The following FBXO36 variants were observed in gnomAD, a reference collection of about 807,000 sequenced individuals.
The protein encoded by FBXO36 is F-box only protein 36.
In FBXO36, 18 loss-of-function variants were observed where a neutral mutation model predicts 17.0. That is an observed-to-expected ratio of 1.06 (90% CI 0.73 to 1.57). The LOEUF is 1.57. Among genes scored for constraint, FBXO36 ranks in the 40% most tolerant of loss-of-function variants. FBXO36 has a pLI of 0.00. For synonymous variants in FBXO36, 83 were observed against 85.3 expected (o/e 0.97, Z 0.15); for missense variants, 229 against 221.9 (o/e 1.03, Z -0.20).
intron 3 of FBXO36, among the ~76,000 whole-genome samples, chr2:229,998,890 C>A (rs188850635): frequency 2.0e-5 from 3 of 150,412 alleles, no homozygotes; most frequent in Admixed American, 6.6e-5. Context: ...ACAAGCTCTG[C>A]CTCCCAGGTT....
At chr2:229,961,409 C>T (rs2077120139) in intron 1 of FBXO36, among the ~76,000 whole-genome samples, 1 of 152,024 alleles carries the variant, frequency 6.6e-6, no homozygotes, top group Non-Finnish European at 1.5e-5. Flanking sequence ...CGGCATCTTG[C>T]TCTGTCACGA....
rs572520644 is a variant in FBXO36 at position 229,936,785 on chromosome 2, G to T, written c.96+14176G>T. Among the ~76,000 whole-genome samples the T allele has an allele frequency of 3.2e-4, 48 of 152,224 alleles. 1 individual carries two copies. Among genetic ancestry groups the T allele is most frequent in the African/African-American group, 1.0e-3 (42 of 41,526 alleles). ...ATCTGGAAGGCTGAGGCAAAAGGAC[G>T]ACTTCAGCCCAGAAGGATGAGGCTA... On this transcript the variant is annotated intron_variant, in intron 1 of 3. Transcript: ENST00000283946.
At chr2:229,943,955 T>G (rs919546065) in intron 1 of FBXO36, among the ~76,000 whole-genome samples, 2 of 152,036 alleles carry the variant, frequency 1.3e-5, no homozygotes, top group Non-Finnish European at 2.9e-5. Context: ...AGTGAGTGAG[T>G]TCTCATGAGA....
Position 229,933,858 on chromosome 2 carries a change from G to T in FBXO36, c.96+11249G>T, listed in dbSNP as rs376630727. On this transcript the variant is annotated intron_variant, in intron 1 of 3. Coordinates refer to ENST00000283946, the MANE Select transcript of FBXO36 (RefSeq NM_174899.5). ...GCACCACCATACCCAGCTAATTGTTGTATTTTTAGTAAAGATGGGATTTTG... is the reference window on the plus strand; with the variant it reads ...GCACCACCATACCCAGCTAATTGTTTTATTTTTAGTAAAGATGGGATTTTG... 1.8e-4 allele frequency among the ~76,000 whole-genome samples: 27 copies of T among 151,952 alleles called. No homozygotes were observed. The South Asian group carries it at 5.0e-3, about 28-fold the overall frequency.
At chr2:229,954,083 C>T (rs1168506036) in intron 1 of FBXO36, among the ~76,000 whole-genome samples, 1 of 151,868 alleles carries the variant, frequency 6.6e-6, no homozygotes, top group Non-Finnish European at 1.5e-5. Flanking sequence ...AGGCTGCTTT[C>T]GAACTCCTGG....
intron 1 of FBXO36, among the ~76,000 whole-genome samples, chr2:229,954,234 A>ATTTTTGTTTTTTTTTTTTT (rs2077072383): frequency 1.4e-5 from 1 of 71,378 alleles, no homozygotes; most frequent in Non-Finnish European, 2.6e-5. Flanking sequence ...AACCCTTTGG[A>ATTTTTGTTTTTTTTTTTTT]TTTTTTTTTT....
intron 3 of FBXO36, among the ~76,000 whole-genome samples, chr2:229,999,301 A>G (rs1343598494): frequency 6.7e-6 from 1 of 149,636 alleles, no homozygotes; most frequent in East Asian, 2.0e-4. Flanking sequence ...TAATTTTTAT[A>G]TTTTTAGTAC....
intron 3 of FBXO36, among the ~76,000 whole-genome samples, chr2:229,999,417 G>A (rs1273744022): frequency 5.0e-5 from 7 of 139,922 alleles, no homozygotes; most frequent in African/African-American, 1.6e-4. Flanking sequence ...GTGAGCCACC[G>A]CGCCCGGCCT....
intron 3 of FBXO36, among the ~76,000 whole-genome samples, chr2:230,002,770 G>A (rs1271595436): frequency 5.9e-5 from 9 of 152,136 alleles, no homozygotes; most frequent in African/African-American, 2.2e-4. Context: ...GGTTTACATA[G>A]CAGTTAATGC....
chr2:229,994,888 G>C (rs2077316970), intron 2 of FBXO36, among the ~76,000 whole-genome samples: 2 of 152,148 alleles, frequency 1.3e-5, no homozygotes, highest in African/African-American at 4.8e-5. Context: ...GGCTGAGGCG[G>C]GTGGATCACC....
At chr2:229,922,701 C>A in intron 1 of FBXO36, 92 bp downstream of exon 1, 2 of 1,335,620 alleles carry the variant, frequency 1.5e-6, no homozygotes, top group East Asian at 2.5e-5. Context: ...CAAGAGCAAC[C>A]GTAGCCCGCC....
At chr2:229,982,573 G>T (rs2077246050) in intron 2 of FBXO36, among the ~76,000 whole-genome samples, 1 of 151,952 alleles carries the variant, frequency 6.6e-6, no homozygotes, top group Non-Finnish European at 1.5e-5. Context: ...TTGGGAGGCT[G>T]AGGCGGGTGG....
At chr2:229,997,584 A>C (rs536875331) in intron 3 of FBXO36, among the ~76,000 whole-genome samples, 2 of 152,130 alleles carry the variant, frequency 1.3e-5, no homozygotes, top group Admixed American at 6.6e-5. Context: ...ACTCAAAAAA[A>C]AAAAAAAAAG....
intron 1 of FBXO36, among the ~76,000 whole-genome samples, chr2:229,942,204 A>G (rs539645583): frequency 2.0e-4 from 31 of 152,152 alleles, no homozygotes; most frequent in Admixed American, 7.9e-4. Context: ...ATCAAGGGTG[A>G]GAGGTAAAAT....
intron 1 of FBXO36, 131 bp downstream of exon 1, chr2:229,922,740 G>C (rs1238816498): frequency 1.1e-6 from 1 of 908,362 alleles, no homozygotes; most frequent in South Asian, 1.7e-5. Flanking sequence ...CTCCGCGCCG[G>C]GAGATTTTCC....
In FBXO36 at chr2:229,940,943, G is replaced by C. The variant is rs113420698; in HGVS notation, c.96+18334G>C. Among the ~76,000 whole-genome samples, 188 of 152,256 alleles carry C rather than the reference G, an allele frequency of 1.2e-3. 2 individuals carry two copies. Among genetic ancestry groups the C allele is most frequent in the Non-Finnish European group, 1.9e-3 (130 of 68,010 alleles). ...CCACCTACTTGATTCGCCTAAATAT[G>C]TTAGTGGGAAAATAGAGTTGCCTGG... is the stretch of plus-strand genomic sequence containing the variant. On this transcript the variant is annotated intron_variant, in intron 1 of 3. Coordinates refer to ENST00000283946, the MANE Select transcript of FBXO36 (RefSeq NM_174899.5).
intron 1 of FBXO36, among the ~76,000 whole-genome samples, chr2:229,962,888 GCTGGTCTCAAACTC>G (rs1326168379): frequency 6.6e-6 from 1 of 152,042 alleles, no homozygotes; most frequent in Non-Finnish European, 1.5e-5. Flanking sequence ...TGTTAGCCAG[GCTGGTCTCAAACTC>G]CTGACCTCAG....
At chr2:229,990,879 CTTAA>C (rs1398280402) in intron 2 of FBXO36, among the ~76,000 whole-genome samples, 2 of 152,078 alleles carry the variant, frequency 1.3e-5, no homozygotes, top group Admixed American at 6.6e-5. Flanking sequence ...GTTTCCTTTT[CTTAA>C]TTAATCAGTG....
intron 1 of FBXO36, among the ~76,000 whole-genome samples, chr2:229,940,838 A>C (rs1017465373): frequency 1.3e-5 from 2 of 152,186 alleles, no homozygotes; most frequent in Non-Finnish European, 2.9e-5. Flanking sequence ...AATCGTGAGA[A>C]ATAAATTCGT....
Sources: allele counts gnomAD v4.1 joint callset (sites outside exome capture counted in the v4.1 genomes callset), GRCh38; gene constraint gnomAD v4.1.1; transcripts MANE v1.5; gene names NCBI Gene and HGNC (gene_info 2026-07-23, HGNC 2026-07-21).